The following CELSR1 variants were observed in gnomAD, a reference collection of about 807,000 sequenced individuals.
CELSR1 encodes the protein cadherin EGF LAG seven-pass G-type receptor 1, also known as adhesion G protein-coupled receptor C1.
CELSR1 carries 110 observed loss-of-function variants against 249.1 expected under a neutral mutation model. That is an observed-to-expected ratio of 0.44 (90% confidence interval 0.38 to 0.52). The LOEUF is 0.52. CELSR1 is among the 20% of genes least tolerant of loss of function. The pLI is 0.00. For missense variants in CELSR1, 4,109 were observed against 4,296.4 expected (o/e 0.96, Z 1.22); for synonymous variants, 2,113 against 1,900.0 (o/e 1.11, Z -2.92).
intron 2 of CELSR1, among the ~76,000 whole-genome samples, chr22:46,462,548 G>A (rs1424509234): frequency 6.6e-6 from 1 of 151,008 alleles, no homozygotes; most frequent in Non-Finnish European, 1.5e-5. Context: ...TTGCTCAGGT[G>A]TTTATATTAA....
intron 14 of CELSR1, among the ~76,000 whole-genome samples, chr22:46,392,398 G>C (rs1226411956): frequency 6.6e-6 from 1 of 151,968 alleles, no homozygotes; most frequent in Non-Finnish European, 1.5e-5. Flanking sequence ...AGACTCGTGA[G>C]CAACGTTCAG....
At position 46,393,737 on chromosome 22, in the gene CELSR1, CAAA is replaced by C. The variant is rs527573754; in HGVS notation, c.5964+402_5964+404del. ...TGGGCGACACAGCGAGACTCTGTCT[CAAA>C]AAAAAAAAAAAAAAGACCAGGAAAA... On this transcript the variant is annotated intron_variant, in intron 14 of 34. Transcript: ENST00000674500. The surrounding 1 kb of genome is among the most constrained non-coding windows in gnomAD (Gnocchi z 4.1). 6.5e-5 allele frequency among the ~76,000 whole-genome samples: 5 copies of C among 76,534 alleles called. No individual in the cohort carries two copies. Among genetic ancestry groups the C allele is most frequent in the East Asian group, 4.2e-4 (1 of 2,382 alleles). 50.2% of individuals were successfully genotyped at this position (76,534 alleles called of 152,430 possible). A position where few individuals can be genotyped will look rare whatever the true frequency, so the allele number is the denominator to read the frequency against.
intron 20 of CELSR1, 70 bp downstream of exon 20, chr22:46,384,473 G>C (rs1040008000): frequency 1.1e-5 from 16 of 1,494,170 alleles, no homozygotes; most frequent in East Asian, 2.5e-5. Flanking sequence ...TGCGATGCCC[G>C]CAGCGGGGCC....
At position 46,409,304 on chromosome 22, in the gene CELSR1, T is replaced by G. The variant is rs2079303821; in HGVS notation, c.5060-142A>C. 8 of 795,834 alleles carry G rather than the reference T, an allele frequency of 1.0e-5. No homozygotes were observed. The South Asian group carries it at 1.6e-4, about 16-fold the overall frequency. 49.3% of individuals were successfully genotyped at this position (795,834 alleles called of 1,614,324 possible). A position where few individuals can be genotyped will look rare whatever the true frequency, so the allele number is the denominator to read the frequency against. ...CGAAGGTGGGTCTGAGCCTCCCCTC[T>G]GTGACGCATCCAGCCCTCACAGTCA... On this transcript the variant is annotated intron_variant, in intron 8 of 34. Coordinates refer to ENST00000674500, the MANE Select transcript of CELSR1 (RefSeq NM_001378328.1). The surrounding 1 kb of genome is among the most constrained non-coding windows in gnomAD (Gnocchi z 9.8).
chr22:46,415,914 G>A (rs1455143471), intron 5 of CELSR1, among the ~76,000 whole-genome samples: 1 of 152,228 alleles, frequency 6.6e-6, no homozygotes, highest in Non-Finnish European at 1.5e-5. Context: ...ATCCATTTTT[G>A]TCAAAGGAAG....
chr22:46,394,324 G>C (rs1179403889), intron 13 of CELSR1, 62 bp from the exon 14 acceptor site: 23 of 1,552,552 alleles, frequency 1.5e-5, no homozygotes, highest in Admixed American at 1.8e-5. Context: ...GGAATGAGAA[G>C]AGGCCTGCAG....
chr22:46,364,588 A>G lies in CELSR1; in HGVS notation c.8703T>C (p.Arg2901=). The G allele has an allele frequency of 6.2e-7, 1 of 1,612,548 alleles. No homozygotes were observed. The highest frequency in any genetic ancestry group is 2.2e-5 in the East Asian group (1 of 44,862). Residue 2901 remains arginine, a synonymous_variant, in exon 33 of 35, where the codon CGT becomes CGC. Transcript: ENST00000674500. ...TCTCCTGGTCCGGGGGGTACTCTCC[A>G]CGGTGACTGCCCTGCTCCTCGCGGT... ...ELHREEQGSH[R]GEYPPDQESG... is the part of the protein sequence containing the mutation.
chr22:46,486,870 G>A (rs576425450), intron 1 of CELSR1, among the ~76,000 whole-genome samples: 5 of 152,164 alleles, frequency 3.3e-5, no homozygotes, highest in African/African-American at 9.6e-5. Context: ...ATAAAGTCAT[G>A]CATCAGGACA....
chr22:46,498,993 A>T (rs533499738), intron 1 of CELSR1, among the ~76,000 whole-genome samples: 3 of 152,172 alleles, frequency 2.0e-5, no homozygotes, highest in African/African-American at 7.2e-5. Flanking sequence ...CAGCCTGGCC[A>T]ACATGGTGAA....
chr22:46,362,837 G>A lies in CELSR1; in HGVS notation c.*386C>T, dbSNP rs910436062. ...GCCCGCCTGGGCGGGGCTGGACCGC[G>A]GTCTTTGGTCTGTGCCCGGCGTTCC... is the stretch of plus-strand genomic sequence containing the variant. On this transcript the variant is annotated 3_prime_UTR_variant, in exon 35 of 35. Coordinates refer to ENST00000674500, the MANE Select transcript of CELSR1 (RefSeq NM_001378328.1). 29 of 338,846 alleles carry A rather than the reference G, an allele frequency of 8.6e-5. No individual in the cohort carries two copies. Among genetic ancestry groups the A allele is most frequent in the East Asian group, 2.9e-4 (6 of 20,844 alleles). The allele number at this position is 338,846 out of a possible 1,614,324, so 21.0% of individuals were successfully genotyped here. A position where few individuals can be genotyped will look rare whatever the true frequency, so the allele number is the denominator to read the frequency against.
At chr22:46,457,448 C>T (rs1279679223) in intron 2 of CELSR1, among the ~76,000 whole-genome samples, 3 of 152,178 alleles carry the variant, frequency 2.0e-5, no homozygotes, top group Non-Finnish European at 4.4e-5. Flanking sequence ...CTGGCGCACA[C>T]AGGAGGGGCA....
At position 46,412,372 on chromosome 22, in the gene CELSR1, G is replaced by A. The variant is rs188934546; in HGVS notation, c.4612-613C>T. ...ACACCCAAGTCCTGGGGCCCCTCCT[G>A]TGAACACCCGCTTCTGCTCTTCTGG... On this transcript the variant is annotated intron_variant, in intron 5 of 34. Transcript: ENST00000674500. The surrounding 1 kb of genome is among the most constrained non-coding windows in gnomAD (Gnocchi z 4.5). Among the ~76,000 whole-genome samples, 104 of 152,302 alleles carry A rather than the reference G, an allele frequency of 6.8e-4. 1 individual carries two copies. The highest frequency in any genetic ancestry group is 4.4e-3 in the Admixed American group (67 of 15,308).
chr22:46,391,912 G>GGT lies in CELSR1; in HGVS notation c.5965-98_5965-97dup. 1.5e-6 allele frequency: 2 copies of GGT among 1,337,014 alleles called. No individual in the cohort carries two copies. Among genetic ancestry groups the GGT allele is most frequent in the Non-Finnish European group, 2.0e-6 (2 of 982,422 alleles). 82.8% of individuals were successfully genotyped at this position (1,337,014 alleles called of 1,614,324 possible). A position where few individuals can be genotyped will look rare whatever the true frequency, so the allele number is the denominator to read the frequency against. On this transcript the variant is annotated intron_variant, in intron 14 of 34. Transcript: ENST00000674500. The surrounding 1 kb of genome is among the most constrained non-coding windows in gnomAD (Gnocchi z 4.3). The stretch of plus-strand genomic sequence containing the variant: ...CGAGCGACGTCCAGACTCCCACCCG[G>GGT]GTGTGTGTGTTGGCCGCCAGCCATC...
intron 2 of CELSR1, among the ~76,000 whole-genome samples, chr22:46,444,938 G>GCTC (rs1411294423): frequency 6.6e-6 from 1 of 152,236 alleles, no homozygotes; most frequent in African/African-American, 2.4e-5. Context: ...GGGAGCGGTG[G>GCTC]CTCGTGCCTG....
intron 25 of CELSR1, among the ~76,000 whole-genome samples, chr22:46,372,439 C>A: frequency 8.8e-6 from 1 of 113,958 alleles, no homozygotes. Flanking sequence ...TCATTCACCC[C>A]CATCCATCCA....
rs776567447 is a variant in CELSR1 at position 46,365,262 on chromosome 22, C to T, written c.8523G>A (p.Pro2841=). 26 of 1,612,548 alleles carry T rather than the reference C, an allele frequency of 1.6e-5. No individual in the cohort carries two copies. In the East Asian group the frequency reaches 2.5e-4, roughly 15 times the overall value. Residue 2841 remains proline (P), a synonymous_variant, in exon 32 of 35, where the codon CCG becomes CCA. Coordinates refer to ENST00000674500, the MANE Select transcript of CELSR1 (RefSeq NM_001378328.1). Reference sequence around the variant, plus strand: ...GGGTGCTGTGGACGGCGCCCCTGGCCGGGTCCCATTTTTCCTCAGCTCCCA... The same window carrying T: ...GGGTGCTGTGGACGGCGCCCCTGGCTGGGTCCCATTTTTCCTCAGCTCCCA... ...DGVGAEEKWD[P]ARGAVHSTPK... is the part of the protein sequence containing the mutation.
chr22:46,449,972 A>ACT (rs751484065), intron 2 of CELSR1, among the ~76,000 whole-genome samples: 61 of 151,998 alleles, frequency 4.0e-4, no homozygotes, highest in Non-Finnish European at 6.2e-4. Flanking sequence ...GCTCACACAC[A>ACT]CTCACATGCA....
intron 1 of CELSR1, among the ~76,000 whole-genome samples, chr22:46,483,385 C>CTTTTTTTTTTTTTT (rs10647586): frequency 1.2e-5 from 1 of 81,212 alleles, no homozygotes; most frequent in Non-Finnish European, 2.2e-5. Flanking sequence ...CTATTCCTGA[C>CTTTTTTTTTTTTTT]TTTTTTTTTT....
At chr22:46,469,298 G>A (rs116392828) in intron 1 of CELSR1, among the ~76,000 whole-genome samples, 1,812 of 152,246 alleles carry the variant, frequency 0.012, 30 homozygotes, top group African/African-American at 0.04. Context: ...TGTGGTCTGC[G>A]TGATCTGTCC....
Sources: gnomAD v4.1 joint callset for allele counts (sites outside exome capture counted in the v4.1 genomes callset) on GRCh38, gnomAD v4.1.1 for gene constraint, Gnocchi (gnomAD v3.1) non-coding constraint, MANE v1.5 for transcripts, NCBI Gene and HGNC (gene_info 2026-07-23, HGNC 2026-07-21) for gene names.